UTP6: variants seen among roughly 807,000 people sequenced by gnomAD.
The protein encoded by UTP6 is UTP6 small subunit processome component.
Under a neutral mutation model 96.5 loss-of-function variants are expected in UTP6, and 60 were observed. The observed-to-expected ratio is 0.62, with a 90% confidence interval of 0.51 to 0.77. The LOEUF (loss-of-function observed/expected upper bound fraction) is 0.77, where lower values mean the gene tolerates loss of function less well. Ranked by LOEUF, UTP6 falls within the 30% of genes least tolerant of loss-of-function variation. The probability of loss-of-function intolerance (pLI) is 0.00; values close to 1 mark genes in which losing one functional copy is unlikely to be tolerated. For missense variants in UTP6, 637 were observed against 706.5 expected (o/e 0.90, Z 1.12); for synonymous variants, 215 against 240.1 (o/e 0.90, Z 0.96).
At chr17:31,880,854 C>G in intron 10 of UTP6, 100 bp from the exon 11 acceptor site, 1 of 1,495,956 alleles carries the variant, frequency 6.7e-7, no homozygotes. Context: ...CACAGGACAT[C>G]CCTGTAACAA....
At chr17:31,866,600 T>A (rs1909831861) in intron 17 of UTP6, 1 of 150,580 alleles carries the variant, frequency 6.6e-6, no homozygotes, top group African/African-American at 2.5e-5. Flanking sequence ...GGCATGGTGG[T>A]GCATGCCTGT....
chr17:31,895,038 TGAG>T (rs769634312), intron 2 of UTP6, 27 bp from the exon 3 acceptor site: 1 of 1,495,838 alleles, frequency 6.7e-7, no homozygotes, highest in South Asian at 1.3e-5. Context: ...TACAAAAAAA[TGAG>T]AAGCTAGAAA....
At chr17:31,875,565 C>T (rs909487004) in intron 13 of UTP6, 152 bp from the exon 14 acceptor site, 18 of 889,636 alleles carry the variant, frequency 2.0e-5, no homozygotes, top group Admixed American at 3.0e-5. Context: ...TGGCTCACAC[C>T]TGTAACCCCA....
At chr17:31,873,234 A>G in intron 16 of UTP6, 144 bp downstream of exon 16, 1 of 706,032 alleles carries the variant, frequency 1.4e-6, no homozygotes, top group Non-Finnish European at 2.3e-6. Context: ...AGCCTGGGCA[A>G]CAGAGCAAGA....
At chr17:31,891,234 A>T (rs1269370315) in intron 6 of UTP6, among the ~76,000 whole-genome samples, 3 of 152,172 alleles carry the variant, frequency 2.0e-5, no homozygotes, top group South Asian at 2.1e-4. Flanking sequence ...TGACTCCTAA[A>T]ATTGAGCATG....
rs941766748 is a variant in UTP6, at chr17:31,864,569, A to AT, written c.1636+796dup. Among the ~76,000 whole-genome samples the AT allele has an allele frequency of 3.3e-5, 5 of 152,050 alleles. No homozygotes were observed. In the South Asian group the frequency reaches 6.2e-4, roughly 19 times the overall value. ...ACCCCTTTCATGTAACTCTAAATAC[A>AT]TTTTTTTTAAGAAAACAAAACCATG... On this transcript the variant is annotated intron_variant, in intron 18 of 18. Coordinates refer to ENST00000261708, the MANE Select transcript of UTP6 (RefSeq NM_018428.3).
chr17:31,900,303 T>C (rs1437111995), intron 1 of UTP6, among the ~76,000 whole-genome samples: 1 of 152,112 alleles, frequency 6.6e-6, no homozygotes, highest in Non-Finnish European at 1.5e-5. Flanking sequence ...TATGGTGTTT[T>C]TTTTGTTTGT....
Position 31,862,398 on chromosome 17 carries a change from T to C in UTP6, c.*961A>G, listed in dbSNP as rs191403863. On this transcript the variant is annotated 3_prime_UTR_variant, in exon 19 of 19. Coordinates refer to ENST00000261708, the MANE Select transcript of UTP6 (RefSeq NM_018428.3). The stretch of plus-strand genomic sequence containing the variant: ...ATTAAATGTTTTTAAGGCTATTTAA[T>C]GACACAGAAAAACAATACTAAGTGA... 3 of 152,284 alleles carry C rather than the reference T, an allele frequency of 2.0e-5. No homozygotes were observed. Among genetic ancestry groups the C allele is most frequent in the Admixed American group, 2.0e-4 (3 of 15,288 alleles). 9.4% of individuals were successfully genotyped at this position (152,284 alleles called of 1,614,324 possible). A position where few individuals can be genotyped will look rare whatever the true frequency, so the allele number is the denominator to read the frequency against.
At chr17:31,867,079 G>A (rs374897979) in intron 17 of UTP6, among the ~76,000 whole-genome samples, 60 of 152,138 alleles carry the variant, frequency 3.9e-4, no homozygotes, top group African/African-American at 1.4e-3. Context: ...TTACAGATGA[G>A]GATGGGAAGC....
chr17:31,890,928 A>C (rs1289656882), intron 6 of UTP6, among the ~76,000 whole-genome samples: 2 of 152,122 alleles, frequency 1.3e-5, no homozygotes, highest in East Asian at 3.9e-4. Context: ...CAGAGGTTGC[A>C]GTGAGCTGAT....
chr17:31,878,902 C>T, intron 11 of UTP6, 121 bp from the exon 12 acceptor site: 1 of 882,680 alleles, frequency 1.1e-6, no homozygotes, highest in South Asian at 1.7e-5. Flanking sequence ...GGGGAAAACT[C>T]TCCTCTGAAG....
At chr17:31,898,258 C>G (rs981981954) in intron 2 of UTP6, among the ~76,000 whole-genome samples, 11 of 152,002 alleles carry the variant, frequency 7.2e-5, no homozygotes, top group Non-Finnish European at 5.9e-5. Context: ...TGATGTTGGC[C>G]GGGCGTGGTG....
Position 31,880,643 on chromosome 17 carries a change from T to A in UTP6, c.897A>T (p.Ala299=). Residue 299 remains alanine (A), a synonymous_variant, in exon 11 of 19, where the codon GCA becomes GCT. Transcript: ENST00000261708. ...TCTCCTCCTTCCGGCCGACCTCCAC[T>A]GCTTTGGCTTGTTTCGTTGTAGGCT... ...EEQPTTKQAK[A]VEVGRKEERC... 1 of 1,614,168 alleles carries A rather than the reference T, an allele frequency of 6.2e-7. No homozygotes were observed. The highest frequency in any genetic ancestry group is 1.1e-5 in the South Asian group (1 of 91,088).
At chr17:31,880,257 TA>T (rs756260788) in intron 11 of UTP6, 4 of 335,122 alleles carry the variant, frequency 1.2e-5, no homozygotes, top group Non-Finnish European at 1.7e-5. Flanking sequence ...CCGTCTCTAC[TA>T]AAATACAAAA....
intron 6 of UTP6, among the ~76,000 whole-genome samples, chr17:31,891,144 G>GC (rs1181453204): frequency 4.0e-4 from 61 of 152,226 alleles, no homozygotes; most frequent in African/African-American, 1.4e-3. Flanking sequence ...TGTTAAAAAT[G>GC]ACGCCTGATT....
chr17:31,897,864 TC>T (rs1350131835), intron 2 of UTP6, among the ~76,000 whole-genome samples: 1 of 152,226 alleles, frequency 6.6e-6, no homozygotes, highest in Non-Finnish European at 1.5e-5. Context: ...ACATAATTTT[TC>T]TTTATTCAAA....
At chr17:31,892,879 A>C (rs1176942598) in intron 4 of UTP6, 85 bp from the exon 5 acceptor site, 12 of 1,548,030 alleles carry the variant, frequency 7.8e-6, no homozygotes, top group South Asian at 2.3e-5. Flanking sequence ...TGCTAAAAAC[A>C]AGCAAATTTC....
chr17:31,884,632 A>G (rs989245711), intron 9 of UTP6, 127 bp from the exon 10 acceptor site: 1 of 728,240 alleles, frequency 1.4e-6, no homozygotes, highest in Non-Finnish European at 2.2e-6. Context: ...AGAATAAAAT[A>G]GAAGAAAAGT....
In UTP6 at chr17:31,899,644, AC is replaced by A; in HGVS notation, c.177+1del. On this transcript the variant is annotated splice_donor_variant, in intron 2 of 18. Transcript: ENST00000261708. LOFTEE classifies it high-confidence loss of function. ...GAAAGAAATTATTAATTACACACTT[AC>A]TTGAACATAATTGATAAAGTCTTCC... is the stretch of plus-strand genomic sequence containing the variant. 6.3e-7 allele frequency: 1 copy of A among 1,579,926 alleles called. No individual in the cohort carries two copies. The highest frequency in any genetic ancestry group is 8.6e-7 in the Non-Finnish European group (1 of 1,166,716).
Sources: allele counts gnomAD v4.1 joint callset (sites outside exome capture counted in the v4.1 genomes callset), GRCh38; gene constraint gnomAD v4.1.1; transcripts MANE v1.5; gene names NCBI Gene and HGNC (gene_info 2026-07-23, HGNC 2026-07-21).